The following ADK variants were observed in gnomAD, a reference collection of about 807,000 sequenced individuals.
ADK encodes the protein N6,N6-dimethyladenosine kinase.
Under a neutral mutation model 44.7 loss-of-function variants are expected in ADK, and 24 were observed. That is an observed-to-expected ratio of 0.54 (90% CI 0.39 to 0.76). The LOEUF is 0.76. ADK is among the 30% of genes least tolerant of loss of function. ADK has a pLI of 0.00. For synonymous variants in ADK, 128 were observed against 142.6 expected (o/e 0.90, Z 0.73); for missense variants, 321 against 425.1 (o/e 0.76, Z 2.15).
chr10:74,376,595 A>C (rs999079501), intron 4 of ADK, among the ~76,000 whole-genome samples: 3 of 152,122 alleles, frequency 2.0e-5, no homozygotes, highest in Non-Finnish European at 2.9e-5. Context: ...CAAAAAACCC[A>C]CCATCATATT....
chr10:74,201,672 GTATGTATCTATC>G (rs796099409), intron 2 of ADK, among the ~76,000 whole-genome samples: 16,283 of 133,034 alleles, frequency 0.12, 1,204 homozygotes, highest in Non-Finnish European at 0.17. Context: ...ATGTATGTAT[GTATGTATCTATC>G]TATCTATCTA....
At chr10:74,698,038 G>A (rs1856269776) in intron 10 of ADK, among the ~76,000 whole-genome samples, 1 of 152,168 alleles carries the variant, frequency 6.6e-6, no homozygotes. Flanking sequence ...ATGAACAGAG[G>A]TTTATTTGGA....
chr10:74,193,963 G>A (rs1843037811), intron 1 of ADK, among the ~76,000 whole-genome samples: 2 of 152,016 alleles, frequency 1.3e-5, no homozygotes, highest in African/African-American at 2.4e-5. Flanking sequence ...CAACTAAAAA[G>A]TTCATCAAAG....
intron 7 of ADK, among the ~76,000 whole-genome samples, chr10:74,574,244 G>T (rs112535589): frequency 0.025 from 3,698 of 145,900 alleles, 136 homozygotes; most frequent in African/African-American, 0.077. Flanking sequence ...TCAGCTCACC[G>T]CAACCTCCAT....
chr10:74,332,311 G>A (rs887709682), intron 4 of ADK, among the ~76,000 whole-genome samples: 9 of 152,144 alleles, frequency 5.9e-5, no homozygotes, highest in Non-Finnish European at 1.2e-4. Flanking sequence ...TGAAATGATT[G>A]TATTTTTTTA....
chr10:74,261,858 T>C (rs1846050724), intron 3 of ADK, among the ~76,000 whole-genome samples: 1 of 152,086 alleles, frequency 6.6e-6, no homozygotes, highest in Non-Finnish European at 1.5e-5. Context: ...TTTTCATTGT[T>C]CTGAGCATGT....
At chr10:74,182,365 T>TTTATTTATTTAC (rs1286414860) in intron 1 of ADK, among the ~76,000 whole-genome samples, 1 of 151,182 alleles carries the variant, frequency 6.6e-6, no homozygotes, top group Non-Finnish European at 1.5e-5. Flanking sequence ...TATTTATTTA[T>TTTATTTATTTAC]TTATTTATTT....
chr10:74,685,816 CA>C (rs1855765431), intron 10 of ADK, among the ~76,000 whole-genome samples: 1 of 152,056 alleles, frequency 6.6e-6, no homozygotes, highest in African/African-American at 2.4e-5. Context: ...ATTTGAGCTT[CA>C]AGGCACTGTT....
At chr10:74,691,302 T>G (rs1855980306) in intron 10 of ADK, among the ~76,000 whole-genome samples, 2 of 152,224 alleles carry the variant, frequency 1.3e-5, no homozygotes, top group African/African-American at 4.8e-5. Flanking sequence ...AGTTTAGTAC[T>G]GTTAGTTGCT....
chr10:74,558,438 A>G (rs1429539657), intron 7 of ADK, among the ~76,000 whole-genome samples: 1 of 152,174 alleles, frequency 6.6e-6, no homozygotes, highest in East Asian at 1.9e-4. Flanking sequence ...TCATGGGGGC[A>G]GTTTTCCCCA....
At chr10:74,586,947 GTTAAT>G (rs1231674719) in intron 7 of ADK, among the ~76,000 whole-genome samples, 1 of 150,622 alleles carries the variant, frequency 6.6e-6, no homozygotes, top group Non-Finnish European at 1.5e-5. Flanking sequence ...ATTTTTTACA[GTTAAT>G]TTCTTATATT....
At chr10:74,177,524 G>A (rs1842386523) in intron 1 of ADK, among the ~76,000 whole-genome samples, 1 of 152,170 alleles carries the variant, frequency 6.6e-6, no homozygotes, top group African/African-American at 2.4e-5. Context: ...TGCTCTTCCA[G>A]TTTGGAAGGT....
chr10:74,670,714 G>A (rs1855137393), intron 10 of ADK, among the ~76,000 whole-genome samples: 1 of 152,076 alleles, frequency 6.6e-6, no homozygotes, highest in Admixed American at 6.5e-5. Flanking sequence ...ACACAATAGT[G>A]GTTGTTTGTT....
intron 3 of ADK, among the ~76,000 whole-genome samples, chr10:74,225,879 A>G (rs1844515061): frequency 6.6e-6 from 1 of 152,168 alleles, no homozygotes; most frequent in Non-Finnish European, 1.5e-5. Context: ...TAGGTCTGGT[A>G]ACAGAGCTTC....
intron 6 of ADK, among the ~76,000 whole-genome samples, chr10:74,501,748 A>G (rs545652372): frequency 3.9e-5 from 6 of 152,350 alleles, no homozygotes; most frequent in African/African-American, 1.4e-4. Context: ...GAAGCCAGAC[A>G]TAAAGGATCA....
chr10:74,177,903 C>T (rs1379663676), intron 1 of ADK, among the ~76,000 whole-genome samples: 1 of 147,586 alleles, frequency 6.8e-6, no homozygotes, highest in African/African-American at 2.5e-5. Context: ...CGGACATAGT[C>T]TGTCTCTTAA....
chr10:74,564,157 T>C (rs529050894), intron 7 of ADK, among the ~76,000 whole-genome samples: 1 of 152,066 alleles, frequency 6.6e-6, no homozygotes, highest in African/African-American at 2.4e-5. Flanking sequence ...GGTTTTTTGT[T>C]CTTGGGATAG....
chr10:74,428,518 A>G (rs1197539773), intron 6 of ADK, among the ~76,000 whole-genome samples: 1 of 152,254 alleles, frequency 6.6e-6, no homozygotes, highest in Non-Finnish European at 1.5e-5. Flanking sequence ...AAAGAACTTT[A>G]TAAGACCATT....
chr10:74,176,624 GAC>G (rs1378720741), intron 1 of ADK: 12 of 1,397,620 alleles, frequency 8.6e-6, no homozygotes, highest in East Asian at 8.1e-5. Context: ...GCTGGCACGA[GAC>G]ACGCGGTGGC....
Sources: gnomAD v4.1 joint callset for allele counts (sites outside exome capture counted in the v4.1 genomes callset) on GRCh38, gnomAD v4.1.1 for gene constraint, MANE v1.5 for transcripts, NCBI Gene and HGNC (gene_info 2026-07-23, HGNC 2026-07-21) for gene names.